The following CPT1B variants were observed in gnomAD, a reference collection of about 807,000 sequenced individuals.
CPT1B encodes carnitine palmitoyltransferase 1B, also known as carnitine O-palmitoyltransferase 1, muscle isoform.
In CPT1B, 57 loss-of-function variants were observed where a neutral mutation model predicts 92.7. The observed-to-expected ratio is 0.62, with a 90% CI of 0.50 to 0.77. CPT1B has a LOEUF of 0.77. Ranked by LOEUF, CPT1B falls within the 30% of genes least tolerant of loss-of-function variation. CPT1B has a pLI of 0.00. For missense variants in CPT1B, 983 were observed against 1,017.4 expected (o/e 0.97, Z 0.46); for synonymous variants, 398 against 383.5 (o/e 1.04, Z -0.44).
chr22:50,572,932 T>C lies in CPT1B; in HGVS notation c.1295A>G (p.Asp432Gly), dbSNP rs745589803. The change falls in exon 11 of 20, where the codon GAT becomes GGT. Residue 432 changes from aspartate (D) to glycine (G), a missense_variant. By Grantham distance (94) the Asp-to-Gly change is moderately conservative. Coordinates refer to ENST00000312108, the MANE Select transcript of CPT1B (RefSeq NM_152246.3). ...DEESYSYDPE[D>G]EASLSLYGKA... ...GCCATAGAGGCTGAGGCTGGCCTCATCTTCGGGGTCATAGGAGTAGGATTC... is the reference window on the plus strand; with the variant it reads ...GCCATAGAGGCTGAGGCTGGCCTCACCTTCGGGGTCATAGGAGTAGGATTC... 1.2e-6 allele frequency: 2 copies of C among 1,613,702 alleles called. No homozygotes were observed. Among genetic ancestry groups the C allele is most frequent in the South Asian group, 1.1e-5 (1 of 91,084 alleles).
In CPT1B at chr22:50,576,875, G is replaced by A. The variant is rs1409099555; in HGVS notation, c.441C>T (p.Asn147=). ...TGCTCACAGCCCAGATCCTGGTCAAGTTGCTGGTCTTGCCATGCATCTCAA... is the reference window on the plus strand; with the variant it reads ...TGCTCACAGCCCAGATCCTGGTCAAATTGCTGGTCTTGCCATGCATCTCAA... ...WMFEMHGKTS[N]LTRIWAMCIR... Residue 147 remains asparagine, a synonymous_variant, in exon 4 of 20, where the codon AAC becomes AAT. Coordinates refer to ENST00000312108, the MANE Select transcript of CPT1B (RefSeq NM_152246.3). The A allele has an allele frequency of 6.2e-7, 1 of 1,614,004 alleles. No homozygotes were observed. The highest frequency in any genetic ancestry group is 1.1e-5 in the South Asian group (1 of 91,088).
rs2070291973 is a variant in CPT1B, at chr22:50,573,625, A to G, written c.1061T>C (p.Leu354Pro). The change falls in exon 10 of 20, where the codon CTG (leucine) becomes CCG (proline). Residue 354 changes from leucine to proline, a missense_variant. Transcript: ENST00000312108. This position sits in a 1 kb window ranked among gnomAD's most constrained non-coding sequence, Gnocchi z 5.0. The part of the protein sequence containing the change: ...FKLWLYEGAR[L>P]LKPQDLEMQF... ...CATCTCCAGATCCTGAGGCTTGAGC[A>G]GACGGGCGCCCTCATAGAGCCACAG... is the stretch of plus-strand genomic sequence containing the variant. 1 of 1,613,376 alleles carries G rather than the reference A, an allele frequency of 6.2e-7. No homozygotes were observed. Among genetic ancestry groups the G allele is most frequent in the Non-Finnish European group, 8.5e-7 (1 of 1,179,994 alleles).
rs541682766 is a variant in CPT1B, at chr22:50,577,779, A to G, written c.137T>C (p.Ile46Thr). 6.2e-7 allele frequency: 1 copy of G among 1,613,700 alleles called. No individual in the cohort carries two copies. Among genetic ancestry groups the G allele is most frequent in the African/African-American group, 1.3e-5 (1 of 75,062 alleles). Residue 46 changes from isoleucine (I) to threonine (T), a missense_variant, in exon 2 of 20, where the codon ATC (isoleucine) becomes ACC (threonine). Coordinates refer to ENST00000312108, the MANE Select transcript of CPT1B (RefSeq NM_152246.3). ...INSWKKRLIR[I>T]KNGILRGVYP... Reference sequence around the variant, plus strand: ...GGGAGAAGCACCTGTGCGCACCTTGATGCGGATCAGGCGTTTCTTCCAGGA... The same window carrying G: ...GGGAGAAGCACCTGTGCGCACCTTGGTGCGGATCAGGCGTTTCTTCCAGGA...
At chr22:50,572,664 C>T (rs1487325927) in intron 11 of CPT1B, among the ~76,000 whole-genome samples, 4 of 151,940 alleles carry the variant, frequency 2.6e-5, no homozygotes. Flanking sequence ...ATCCTAACTA[C>T]TTTTATGAAG....
intron 13 of CPT1B, chr22:50,571,759 G>T: frequency 3.1e-6 from 2 of 640,710 alleles, no homozygotes; most frequent in South Asian, 1.9e-5. Flanking sequence ...TGCTCCAGGG[G>T]CCTGTGAGTG....
chr22:50,578,066 G>A, intron 1 of CPT1B, 132 bp from the exon 2 acceptor site: 2 of 459,386 alleles, frequency 4.4e-6, no homozygotes, highest in Non-Finnish European at 6.1e-6. Context: ...CCCGGCCCGC[G>A]CCCCCCGCCA....
rs200572653 is a variant in CPT1B at position 50,571,509 on chromosome 22, C to T, written c.1606G>A (p.Val536Met). The part of the protein sequence containing the change: ...CQAVIESSYQ[V>M]AKALADDVEL... ...ACGTCGTCTGCCAACGCCTTGGCCACCTGGTAGGAACTCTCGATGACCGCC... is the reference window on the plus strand; with the variant it reads ...ACGTCGTCTGCCAACGCCTTGGCCATCTGGTAGGAACTCTCGATGACCGCC... The change falls in exon 14 of 20, where the codon GTG (valine) becomes ATG (methionine). Residue 536 changes from valine to methionine, a missense_variant. Physicochemically the swap from Val to Met is conservative, Grantham distance 21. Coordinates refer to ENST00000312108, the MANE Select transcript of CPT1B (RefSeq NM_152246.3). 146 of 1,613,334 alleles carry T rather than the reference C, an allele frequency of 9.0e-5. 1 individual carries two copies. The highest frequency in any genetic ancestry group is 8.2e-4 in the Middle Eastern group (5 of 6,062).
Position 50,574,582 on chromosome 22 carries a change from T to C in CPT1B, c.796A>G (p.Asn266Asp), listed in dbSNP as rs1291749099. Residue 266 changes from asparagine to aspartate, a missense_variant, in exon 8 of 20, where the codon AAT becomes GAT. Physicochemically the swap from Asn to Asp is conservative, Grantham distance 23. Transcript: ENST00000312108. ...AGGCGGGCTGCCTGCACGTCTGTAT[T>C]CTTGATGAGCACAAGGTCCTACAGA... is the stretch of plus-strand genomic sequence containing the variant. ...YYVMDLVLIK[N>D]TDVQAARLGN... 1 of 1,614,126 alleles carries C rather than the reference T, an allele frequency of 6.2e-7. No homozygotes were observed. Among genetic ancestry groups the C allele is most frequent in the Admixed American group, 1.7e-5 (1 of 60,018 alleles).
intron 11 of CPT1B, 47 bp from the exon 12 acceptor site, chr22:50,572,355 G>C: frequency 7.5e-7 from 1 of 1,333,040 alleles, no homozygotes; most frequent in Non-Finnish European, 1.1e-6. Context: ...GGAATGTCCA[G>C]AGGTGCCTGA....
intron 7 of CPT1B, among the ~76,000 whole-genome samples, chr22:50,575,310 G>A (rs1426829163): frequency 6.6e-6 from 1 of 152,140 alleles, no homozygotes; most frequent in South Asian, 2.1e-4. Flanking sequence ...CACCCGGCCC[G>A]AGCTGCCTTT....
Position 50,576,269 on chromosome 22 carries a change from C to T in CPT1B, c.628G>A (p.Glu210Lys). The T allele has an allele frequency of 6.2e-7, 1 of 1,614,100 alleles. No individual in the cohort carries two copies. The highest frequency in any genetic ancestry group is 1.7e-5 in the Admixed American group (1 of 60,026). The change falls in exon 6 of 20, where the codon GAA becomes AAA. Residue 210 changes from glutamate (E) to lysine (K), a missense_variant. By Grantham distance (56) the Glu-to-Lys change is moderately conservative. Coordinates refer to ENST00000312108, the MANE Select transcript of CPT1B (RefSeq NM_152246.3). ...CTGGGGGCAGTCTTGTCCTGGAATT[C>T]TTTGGCCAGCAACTCCATGCGGTAA... Reference protein sequence around the residue: ...EYYRMELLAKEFQDKTAPRLQ... With the variant: ...EYYRMELLAKKFQDKTAPRLQ...
chr22:50,570,091 CA>C (rs2070091373), intron 17 of CPT1B, among the ~76,000 whole-genome samples: 2 of 152,210 alleles, frequency 1.3e-5, no homozygotes, highest in Admixed American at 1.3e-4. Context: ...CATGCTTCAG[CA>C]GGGAGGTATT....
At position 50,576,918 on chromosome 22, in the gene CPT1B, C is replaced by T. The variant is rs1305243106; in HGVS notation, c.398G>A (p.Cys133Tyr). The change falls in exon 4 of 20, where the codon TGC becomes TAC. Residue 133 changes from cysteine to tyrosine, a missense_variant. Cys to Tyr is a radical substitution (Grantham distance 194, BLOSUM62 -2). Transcript: ENST00000312108. ...CATCTCAAACATCCACCCATGGTAG[C>T]AGAGAAGCAGCTTCAGGGTTTGGCG... The part of the protein sequence containing the change: ...FFRQTLKLLL[C>Y]YHGWMFEMHG... 6.2e-7 allele frequency: 1 copy of T among 1,613,994 alleles called. No homozygotes were observed. Among genetic ancestry groups the T allele is most frequent in the African/African-American group, 1.3e-5 (1 of 74,934 alleles).
intron 18 of CPT1B, 50 bp from the exon 19 acceptor site, chr22:50,569,471 C>CT (rs2070050549): frequency 2.5e-6 from 4 of 1,610,892 alleles, no homozygotes; most frequent in Middle Eastern, 1.7e-4. Flanking sequence ...ACCCACCCCT[C>CT]TGTTCCCACA....
At chr22:50,577,291 T>G in intron 3 of CPT1B, 33 bp downstream of exon 3, 1 of 1,611,322 alleles carries the variant, frequency 6.2e-7, no homozygotes, top group Non-Finnish European at 8.5e-7. Flanking sequence ...CCCTCCCTGG[T>G]GGCACCTGTG....
At position 50,573,907 on chromosome 22, in the gene CPT1B, G is replaced by A. The variant is rs749922506; in HGVS notation, c.971-192C>T. The A allele has an allele frequency of 1.5e-5, 11 of 715,970 alleles. No homozygotes were observed. The highest frequency in any genetic ancestry group is 3.0e-5 in the South Asian group (2 of 66,782). 44.4% of individuals were successfully genotyped at this position (715,970 alleles called of 1,614,324 possible). On this transcript the variant is annotated intron_variant, in intron 9 of 19. Coordinates refer to ENST00000312108, the MANE Select transcript of CPT1B (RefSeq NM_152246.3). This position sits in a 1 kb window ranked among gnomAD's most constrained non-coding sequence, Gnocchi z 5.0. ...GCTGGGTGCTTCCACTCTCTCTCACGCAACACCAACAATCCTATAAAGTAT... is the reference window on the plus strand; with the variant it reads ...GCTGGGTGCTTCCACTCTCTCTCACACAACACCAACAATCCTATAAAGTAT...
rs373214555 is a variant in CPT1B at position 50,576,078 on chromosome 22, C to T, written c.734G>A (p.Arg245Gln). 9.4e-5 allele frequency: 151 copies of T among 1,613,988 alleles called. 1 individual carries two copies. Among genetic ancestry groups the T allele is most frequent in the Admixed American group, 8.3e-4 (50 of 60,004 alleles). Residue 245 changes from arginine to glutamine, a missense_variant, in exon 7 of 20, where the codon CGA becomes CAA. Coordinates refer to ENST00000312108, the MANE Select transcript of CPT1B (RefSeq NM_152246.3). ...SDWWEEYIYL[R>Q]GRSPLMVNSN... The stretch of plus-strand genomic sequence containing the variant: ...GTTCACCATGAGAGGGCTCCTGCCT[C>T]GAAGGTAGATGTACTCTTCCCACCA...
chr22:50,577,976 GC>G (rs1227030931), intron 1 of CPT1B, 42 bp from the exon 2 acceptor site: 5 of 1,459,116 alleles, frequency 3.4e-6, no homozygotes, highest in Admixed American at 4.3e-5. Flanking sequence ...GCTTAGGCCG[GC>G]CCCGCCGCCA....
At chr22:50,578,555 C>G (rs1234303100), upstream of CPT1B, 1 of 156,838 alleles carries the variant, frequency 6.4e-6, no homozygotes, top group Non-Finnish European at 1.4e-5. Flanking sequence ...CCACCTTCCG[C>G]GGTGGGAATT....
Sources: gnomAD v4.1 joint callset for allele counts (sites outside exome capture counted in the v4.1 genomes callset) on GRCh38, gnomAD v4.1.1 for gene constraint, Gnocchi (gnomAD v3.1) non-coding constraint, MANE v1.5 for transcripts, NCBI Gene and HGNC (gene_info 2026-07-23, HGNC 2026-07-21) for gene names.